Variants in GPLD1 observed in about 807,000 individuals in gnomAD.
The protein encoded by GPLD1 is phosphatidylinositol-glycan-specific phospholipase D.
Under a neutral mutation model 112.6 loss-of-function variants are expected in GPLD1, and 84 were observed. The ratio of observed to expected loss-of-function variants is 0.75; its 90% CI spans 0.63 to 0.89. GPLD1 has a LOEUF of 0.89. Ranked by LOEUF, GPLD1 falls within the 40% of genes least tolerant of loss-of-function variation. GPLD1 has a pLI of 0.00. For missense variants in GPLD1, 1,044 were observed against 1,051.5 expected, an observed-to-expected ratio of 0.99 and a Z score of 0.10; for synonymous variants, 386 against 403.8, an observed-to-expected ratio of 0.96 and a Z score of 0.53.
At chr6:24,477,575 A>T (rs1054658677) in intron 3 of GPLD1, among the ~76,000 whole-genome samples, 12 of 151,846 alleles carry the variant, frequency 7.9e-5, no homozygotes, top group South Asian at 2.1e-4. Context: ...AAAATAAAAT[A>T]AAAAAGTAGC....
intron 3 of GPLD1, among the ~76,000 whole-genome samples, chr6:24,477,201 G>C (rs1203294339): frequency 6.7e-6 from 1 of 148,928 alleles, no homozygotes; most frequent in Non-Finnish European, 1.5e-5. Flanking sequence ...CAGATTAACT[G>C]AAGCTTTCTG....
At chr6:24,446,477 G>A (rs1474765617) in intron 18 of GPLD1, among the ~76,000 whole-genome samples, 1 of 152,012 alleles carries the variant, frequency 6.6e-6, no homozygotes, top group Admixed American at 6.6e-5. Flanking sequence ...GCAACAGAGT[G>A]AACCCTCACC....
At chr6:24,473,788 TAG>T (rs1158267151) in intron 5 of GPLD1, 121 bp from the exon 6 acceptor site, 2 of 592,386 alleles carry the variant, frequency 3.4e-6, no homozygotes, top group African/African-American at 3.8e-5. Flanking sequence ...GGACGCATAA[TAG>T]ACTCAATTTT....
At chr6:24,454,345 T>G in intron 13 of GPLD1, 144 bp from the exon 14 acceptor site, 1 of 511,724 alleles carries the variant, frequency 2.0e-6, no homozygotes, top group Non-Finnish European at 3.4e-6. Flanking sequence ...GAATATTCAC[T>G]TCTCAGGTTG....
rs1561836782 is a variant in GPLD1, at chr6:24,448,293, T to TGG, written c.1447-86_1447-85insCC. On this transcript the variant is annotated intron_variant, in intron 15 of 24. Transcript: ENST00000230036. ...ATAACAGAAGATAAAAAGGACTGAC[T>TGG]CTGGGTCCAGGTATGGTGGCTGATG... 29 of 909,856 alleles carry TGG rather than the reference T, an allele frequency of 3.2e-5. No individual in the cohort carries two copies. In the Admixed American group the frequency reaches 5.8e-4, roughly 18 times the overall value. 56.4% of individuals were successfully genotyped at this position (909,856 alleles called of 1,614,324 possible). A position where few individuals can be genotyped will look rare whatever the true frequency, so the allele number is the denominator to read the frequency against.
rs958284470 is a variant in GPLD1, at chr6:24,427,444, G to C, written c.*1588C>G. Among the ~76,000 whole-genome samples, 2 of 152,218 alleles carry C rather than the reference G, an allele frequency of 1.3e-5. No homozygotes were observed. Among genetic ancestry groups the C allele is most frequent in the African/African-American group, 2.4e-5 (1 of 41,464 alleles). On this transcript the variant is annotated 3_prime_UTR_variant, in exon 25 of 25. Transcript: ENST00000230036. ...GTGTCGCTAGGCTCTTTAGGTGTTA[G>C]AACAGCCAACTCTACAAAAGTATTG...
chr6:24,436,684 C>T lies in GPLD1; in HGVS notation c.2250G>A (p.Leu750=), dbSNP rs770347454. Residue 750 remains leucine (L), a synonymous_variant, in exon 22 of 25, where the codon CTG becomes CTA. Transcript: ENST00000230036. ...PLRIADVTSG[L]IGGEDGRVYV... ...ATACTCGGCCGTCTTCTCCCCCAAT[C>T]AGTCCAGAGGTTACATCTGCTATCC... 9 of 1,614,108 alleles carry T rather than the reference C, an allele frequency of 5.6e-6. No individual in the cohort carries two copies. In the South Asian group the frequency reaches 8.8e-5, roughly 16 times the overall value.
intron 3 of GPLD1, among the ~76,000 whole-genome samples, chr6:24,478,607 G>A (rs752876352): frequency 1.1e-4 from 16 of 152,146 alleles, no homozygotes; most frequent in Non-Finnish European, 2.1e-4. Context: ...ATTGGGTTGG[G>A]TTTGGCCAAT....
chr6:24,480,449 A>G (rs532439926), intron 2 of GPLD1, among the ~76,000 whole-genome samples: 66 of 151,930 alleles, frequency 4.3e-4, no homozygotes, highest in African/African-American at 1.4e-3. Context: ...CAGCCTCCCA[A>G]TGTGCTGGGA....
rs768619310 is a variant in GPLD1 at position 24,475,142 on chromosome 6, T to A, written c.420A>T (p.Gly140=). Residue 140 remains glycine (G), a synonymous_variant, in exon 5 of 25, where the codon GGA becomes GGT. Transcript: ENST00000230036. ...TCACAGCTCCCATGGTCCTAAGGAA[T>A]CCTTGTTCAAGGCCCAGACTATGCC... The part of the protein sequence containing the change: ...VSWHSLGLEQ[G]FLRTMGAIDF... 6.3e-7 allele frequency: 1 copy of A among 1,598,792 alleles called. No homozygotes were observed. Among genetic ancestry groups the A allele is most frequent in the East Asian group, 2.2e-5 (1 of 44,804 alleles).
At chr6:24,484,381 A>G (rs546620243) in intron 2 of GPLD1, among the ~76,000 whole-genome samples, 1 of 151,884 alleles carries the variant, frequency 6.6e-6, no homozygotes, top group South Asian at 2.1e-4. Context: ...ACGGCCAGCT[A>G]ATTTTTGTAT....
chr6:24,446,984 A>C lies in GPLD1; in HGVS notation c.1679-5T>G. On this transcript the variant is annotated splice_polypyrimidine_tract_variant and splice_region_variant and intron_variant, in intron 17 of 24. Transcript: ENST00000230036. ...CTGCCTCCACGTTCAGTTTTTCTAA[A>C]GAAGACAACTCATCCTTTTTACTAA... The C allele has an allele frequency of 6.2e-7, 1 of 1,612,588 alleles. No individual in the cohort carries two copies. Among genetic ancestry groups the C allele is most frequent in the Non-Finnish European group, 8.5e-7 (1 of 1,179,114 alleles).
At position 24,453,996 on chromosome 6, in the gene GPLD1, G is replaced by A. The variant is rs761329263; in HGVS notation, c.1335+19C>T. On this transcript the variant is annotated intron_variant, in intron 14 of 24. Transcript: ENST00000230036. ...TAGCTACTAACCACTAGAAGAGAAA[G>A]GATGAGATGGTGTCTCACCTGGAAG... 2 of 1,546,998 alleles carry A rather than the reference G, an allele frequency of 1.3e-6. No homozygotes were observed. The highest frequency in any genetic ancestry group is 2.3e-5 in the East Asian group (1 of 43,938).
chr6:24,425,588 A>G (rs1422086440), downstream of GPLD1: 1 of 152,248 alleles, frequency 6.6e-6, no homozygotes, highest in Non-Finnish European at 1.5e-5. Context: ...TGCCAAAAAT[A>G]TATGAAGTTC....
chr6:24,463,050 A>C (rs1298167314), intron 10 of GPLD1, among the ~76,000 whole-genome samples: 1 of 152,134 alleles, frequency 6.6e-6, no homozygotes, highest in Non-Finnish European at 1.5e-5. Context: ...TCCCCGCTCC[A>C]CCTGCTGAGC....
intron 3 of GPLD1, 25 bp downstream of exon 3, chr6:24,479,856 T>G (rs752456440): frequency 7.4e-7 from 1 of 1,343,112 alleles, no homozygotes; most frequent in East Asian, 2.3e-5. Context: ...AGTGACTTCA[T>G]TCAGTCTGCA....
chr6:24,436,835 A>G lies in GPLD1; in HGVS notation c.2198-99T>C, dbSNP rs551116239. ...ATCCTAACCCAACCTCTTACAAATA[A>G]TATTAGTATCTCCTTTAGTCGGCTG... On this transcript the variant is annotated intron_variant, in intron 21 of 24. Coordinates refer to ENST00000230036, the MANE Select transcript of GPLD1 (RefSeq NM_001503.4). 24 of 1,164,860 alleles carry G rather than the reference A, an allele frequency of 2.1e-5. No homozygotes were observed. The African/African-American group carries it at 3.5e-4, about 17-fold the overall frequency. 72.2% of individuals were successfully genotyped at this position (1,164,860 alleles called of 1,614,324 possible).
At chr6:24,473,472 TCTCTA>T (rs1217830360) in intron 6 of GPLD1, 142 bp downstream of exon 6, 2 of 543,684 alleles carry the variant, frequency 3.7e-6, no homozygotes, top group Non-Finnish European at 3.4e-6. Context: ...ATGAGGTACA[TCTCTA>T]CTCTAAATGA....
chr6:24,488,861 G>A (rs2817212), intron 1 of GPLD1, among the ~76,000 whole-genome samples: 1 of 151,822 alleles, frequency 6.6e-6, no homozygotes, highest in Admixed American at 6.6e-5. Flanking sequence ...GTACCCTTCT[G>A]CTCTCCAACT....
Sources: allele counts gnomAD v4.1 joint callset (sites outside exome capture counted in the v4.1 genomes callset), GRCh38; gene constraint gnomAD v4.1.1; transcripts MANE v1.5; gene names NCBI Gene and HGNC (gene_info 2026-07-23, HGNC 2026-07-21).